Variants in KDM4C observed in about 807,000 individuals in gnomAD.
The protein encoded by KDM4C is lysine-specific demethylase 4C.
A neutral mutation model predicts 129.3 loss-of-function variants in KDM4C; 81 were observed. That is an observed-to-expected ratio of 0.63 (90% CI 0.52 to 0.75). The LOEUF (loss-of-function observed/expected upper bound fraction) is 0.75, where lower values mean the gene tolerates loss of function less well. Ranked by LOEUF, KDM4C falls within the 30% of genes least tolerant of loss-of-function variation. The probability of loss-of-function intolerance (pLI) is 0.00; values close to 1 mark genes in which losing one functional copy is unlikely to be tolerated. For synonymous variants in KDM4C, 573 were observed against 456.1 expected, an observed-to-expected ratio of 1.26 and a Z score of -3.26; for missense variants, 1,457 against 1,304.0, an observed-to-expected ratio of 1.12 and a Z score of -1.81.
chr9:6,944,238 A>G (rs185009197), intron 8 of KDM4C, among the ~76,000 whole-genome samples: 334 of 152,332 alleles, frequency 2.2e-3, no homozygotes, highest in African/African-American at 7.6e-3. Context: ...AACTTATGCC[A>G]GATTCAGAAG....
chr9:7,027,768 T>C (rs903778019), intron 15 of KDM4C, among the ~76,000 whole-genome samples: 2 of 152,210 alleles, frequency 1.3e-5, no homozygotes, highest in African/African-American at 4.8e-5. Context: ...TTTCTGGTGT[T>C]CTGCTGTCCT....
intron 19 of KDM4C, among the ~76,000 whole-genome samples, chr9:7,130,397 A>G (rs1313018767): frequency 6.6e-6 from 1 of 152,166 alleles, no homozygotes; most frequent in Non-Finnish European, 1.5e-5. Flanking sequence ...TGATCCTGTA[A>G]TGTTTGAAAT....
chr9:7,018,270 G>A (rs1824040528), intron 15 of KDM4C, among the ~76,000 whole-genome samples: 1 of 152,110 alleles, frequency 6.6e-6, no homozygotes, highest in Non-Finnish European at 1.5e-5. Context: ...CATAGAAAAG[G>A]TACAAAAGAC....
intron 18 of KDM4C, among the ~76,000 whole-genome samples, chr9:7,126,141 T>G (rs572318010): frequency 2.6e-5 from 4 of 152,252 alleles, no homozygotes; most frequent in Admixed American, 2.6e-4. Context: ...TTCCTTAGCA[T>G]GATGTATATA....
chr9:6,866,466 C>T (rs10975861), intron 5 of KDM4C, among the ~76,000 whole-genome samples: 22,270 of 152,096 alleles, frequency 0.15, 1,963 homozygotes, highest in South Asian at 0.35. Flanking sequence ...GGACAGACCT[C>T]CTACAGTGTA....
chr9:7,087,547 T>G (rs1159025518), intron 17 of KDM4C, among the ~76,000 whole-genome samples: 1 of 152,178 alleles, frequency 6.6e-6, no homozygotes, highest in Non-Finnish European at 1.5e-5. Context: ...TTAAAAAAAT[T>G]AAACTTCAAT....
intron 5 of KDM4C, among the ~76,000 whole-genome samples, chr9:6,870,408 G>A (rs116814821): frequency 0.019 from 2,842 of 152,126 alleles, 83 homozygotes; most frequent in African/African-American, 0.064. Flanking sequence ...TAGGTCTGGG[G>A]TTAGGTGCCA....
Position 6,893,223 on chromosome 9 carries a change from T to A in KDM4C, c.912T>A (p.Val304=), listed in dbSNP as rs770531245. 4 of 1,609,016 alleles carry A rather than the reference T, an allele frequency of 2.5e-6. No homozygotes were observed. Among genetic ancestry groups the A allele is most frequent in the Admixed American group, 3.4e-5 (2 of 59,106 alleles). Residue 304 remains valine (V), a synonymous_variant, in exon 8 of 22, where the codon GTT becomes GTA. Transcript: ENST00000381309. ...ATVRWIDYGK[V]AKLCTCRKDM... is the part of the protein sequence containing the mutation. ...TCAGATGGATTGACTATGGAAAAGT[T>A]GCCAAATTGGTAAGCTATGCCTCAA...
chr9:7,036,173 T>A (rs1156620216), intron 15 of KDM4C, among the ~76,000 whole-genome samples: 1 of 152,174 alleles, frequency 6.6e-6, no homozygotes, highest in African/African-American at 2.4e-5. Context: ...TTCATTTTTT[T>A]ATAGTTTCTC....
intron 19 of KDM4C, among the ~76,000 whole-genome samples, chr9:7,129,959 A>G (rs1840438282): frequency 1.3e-5 from 2 of 152,198 alleles, no homozygotes; most frequent in South Asian, 4.1e-4. Context: ...ATTTGATTAC[A>G]TGTAATCCGT....
At chr9:6,994,510 C>G (rs941880381) in intron 12 of KDM4C, among the ~76,000 whole-genome samples, 4 of 152,104 alleles carry the variant, frequency 2.6e-5, no homozygotes, top group Non-Finnish European at 5.9e-5. Flanking sequence ...TTTGTCTGTC[C>G]GTGTATCTGT....
chr9:7,035,553 C>T (rs972594609), intron 15 of KDM4C, among the ~76,000 whole-genome samples: 6 of 151,752 alleles, frequency 4.0e-5, no homozygotes, highest in African/African-American at 1.5e-4. Context: ...TTCATAAAAT[C>T]ATTTCCCAGA....
rs1828250983 is a variant in KDM4C at position 6,952,061 on chromosome 9, A to C, written c.922-28864A>C. 2.0e-5 allele frequency among the ~76,000 whole-genome samples: 3 copies of C among 152,196 alleles called. No homozygotes were observed. The South Asian group carries it at 6.2e-4, about 32-fold the overall frequency. On this transcript the variant is annotated intron_variant, in intron 8 of 21. Transcript: ENST00000381309. ...TAAGGCTGAACTTAAATGGGCTTAA[A>C]AAATACATTGTTGATGATACTGTAA...
chr9:7,018,709 G>A (rs1490883083), intron 15 of KDM4C, among the ~76,000 whole-genome samples: 1 of 152,194 alleles, frequency 6.6e-6, no homozygotes, highest in Non-Finnish European at 1.5e-5. Context: ...GCAACCTAGG[G>A]CCAGGCCTAG....
chr9:7,090,490 GTGGGTTCT>G (rs148521234), intron 17 of KDM4C, among the ~76,000 whole-genome samples: 5,624 of 152,174 alleles, frequency 0.037, 302 homozygotes, highest in African/African-American at 0.13. Context: ...TAAATTGCTT[GTGGGTTCT>G]TGCTAAAAAA....
chr9:7,108,471 G>T (rs574187968), intron 18 of KDM4C, among the ~76,000 whole-genome samples: 2 of 152,136 alleles, frequency 1.3e-5, no homozygotes, highest in Admixed American at 6.5e-5. Flanking sequence ...TTTTGGACTC[G>T]AGCGATCCAA....
intron 1 of KDM4C, among the ~76,000 whole-genome samples, chr9:6,779,385 G>T (rs767228917): frequency 2.0e-5 from 3 of 152,190 alleles, no homozygotes. Flanking sequence ...GTGGAAACCT[G>T]TAAGGCATTC....
upstream of KDM4C, chr9:6,757,794 A>C (rs567941622): frequency 2.0e-6 from 2 of 985,558 alleles, no homozygotes; most frequent in Admixed American, 6.1e-5. Context: ...AAAGAATGGG[A>C]TATGCCTGTG....
At chr9:7,049,805 G>A (rs921463630) in intron 17 of KDM4C, among the ~76,000 whole-genome samples, 1 of 152,012 alleles carries the variant, frequency 6.6e-6, no homozygotes, top group African/African-American at 2.4e-5. Context: ...TAACATTGAA[G>A]TAACTTTGTA....
Sources: allele counts gnomAD v4.1 joint callset (sites outside exome capture counted in the v4.1 genomes callset), GRCh38; gene constraint gnomAD v4.1.1; transcripts MANE v1.5; gene names NCBI Gene and HGNC (gene_info 2026-07-23, HGNC 2026-07-21).